STAB2: variants seen among roughly 807,000 people sequenced by gnomAD.
STAB2 encodes the protein stabilin 2.
A neutral mutation model predicts 338.1 loss-of-function variants in STAB2; 288 were observed. The observed-to-expected ratio is 0.85, with a 90% CI of 0.77 to 0.94. The LOEUF is 0.94. STAB2 is among the 40% of genes least tolerant of loss of function. STAB2 has a pLI of 0.00. For missense variants in STAB2, 3,141 were observed against 3,210.1 expected, an observed-to-expected ratio of 0.98 and a Z score of 0.52; for synonymous variants, 1,202 against 1,193.3, an observed-to-expected ratio of 1.01 and a Z score of -0.15.
At position 103,652,973 on chromosome 12, in the gene STAB2, A is replaced by T. The variant is rs551274348; in HGVS notation, c.1407+268A>T. 2.6e-5 allele frequency among the ~76,000 whole-genome samples: 4 copies of T among 152,330 alleles called. No homozygotes were observed. The South Asian group carries it at 8.3e-4, about 32-fold the overall frequency. On this transcript the variant is annotated intron_variant, in intron 12 of 68. Coordinates refer to ENST00000388887, the MANE Select transcript of STAB2 (RefSeq NM_017564.10). ...TTAGTTTTCAAGGCAACTGTCATTC[A>T]ACTGCCAGCAGGAAGGAGAAACTTT...
intron 35 of STAB2, 33 bp downstream of exon 35, chr12:103,703,309 C>A: frequency 6.2e-7 from 1 of 1,601,720 alleles, no homozygotes; most frequent in Non-Finnish European, 8.5e-7. Flanking sequence ...AGTGATGGAA[C>A]TAATGAATAT....
At position 103,643,911 on chromosome 12, in the gene STAB2, T is replaced by C. The variant is rs1200126316; in HGVS notation, c.1040+3655T>C. Among the ~76,000 whole-genome samples, 309 of 99,478 alleles carry C rather than the reference T, an allele frequency of 3.1e-3. 5 individuals are homozygous for C. The highest frequency in any genetic ancestry group is 0.012 in the African/African-American group (296 of 25,076). 65.3% of individuals were successfully genotyped at this position (99,478 alleles called of 152,430 possible). ...CTGCCCGGCCGCCCCTACTGGGAAG[T>C]GAGGAGCCCCTCTGCCCGGCCAGCC... On this transcript the variant is annotated intron_variant, in intron 9 of 68. Transcript: ENST00000388887.
Position 103,712,437 on chromosome 12 carries a change from T to C in STAB2, c.4405T>C (p.Cys1469Arg), listed in dbSNP as rs200756343. The C allele has an allele frequency of 3.8e-5, 61 of 1,613,392 alleles. No individual in the cohort carries two copies. The highest frequency in any genetic ancestry group is 3.1e-5 in the Non-Finnish European group (37 of 1,179,546). ...AGGATTCCAAGGAAACGGGACCATCTGCACAGGCAAGCGAAGGAAGGAATT... is the reference window on the plus strand; with the variant it reads ...AGGATTCCAAGGAAACGGGACCATCCGCACAGGCAAGCGAAGGAAGGAATT... ...AAGFQGNGTI[C>R]TAINACEISN... Residue 1469 changes from cysteine to arginine, a missense_variant, in exon 41 of 69, where the codon TGC (cysteine) becomes CGC (arginine). Cys to Arg is a radical substitution (Grantham distance 180). Coordinates refer to ENST00000388887, the MANE Select transcript of STAB2 (RefSeq NM_017564.10).
intron 9 of STAB2, among the ~76,000 whole-genome samples, chr12:103,647,311 C>G (rs1277637435): frequency 6.6e-6 from 1 of 152,090 alleles, no homozygotes; most frequent in African/African-American, 2.4e-5. Context: ...TATTTAGAAA[C>G]ACACGTGGAT....
chr12:103,670,712 G>A lies in STAB2; in HGVS notation c.2276G>A (p.Gly759Asp), dbSNP rs377604298. ...TGCTCCCAGTGTGCAGATAGCCTCG[G>A]CGGCAACGGGACATGCATTTGTGAG... ...SGNGQCADSLGGNGTCICEEG... is the reference protein window; with the variant it reads ...SGNGQCADSLDGNGTCICEEG... The change falls in exon 22 of 69, where the codon GGC (glycine) becomes GAC (aspartate). Residue 759 changes from glycine to aspartate, a missense_variant. Coordinates refer to ENST00000388887, the MANE Select transcript of STAB2 (RefSeq NM_017564.10). 5.0e-6 allele frequency: 8 copies of A among 1,613,932 alleles called. No homozygotes were observed. The highest frequency in any genetic ancestry group is 6.8e-6 in the Non-Finnish European group (8 of 1,179,984).
Position 103,706,787 on chromosome 12 carries a change from T to G in STAB2, c.3997-5T>G. The stretch of plus-strand genomic sequence containing the variant: ...GCGTTGTCAAGCTTTGTCCTTCTGT[T>G]TCAGACGAGAGAATGCTGTGCCGGC... On this transcript the variant is annotated splice_polypyrimidine_tract_variant and splice_region_variant and intron_variant, in intron 37 of 68. Coordinates refer to ENST00000388887, the MANE Select transcript of STAB2 (RefSeq NM_017564.10). 1 of 1,614,204 alleles carries G rather than the reference T, an allele frequency of 6.2e-7. No individual in the cohort carries two copies. The highest frequency in any genetic ancestry group is 8.5e-7 in the Non-Finnish European group (1 of 1,180,032).
rs139513277 is a variant in STAB2 at position 103,735,132 on chromosome 12, G to A, written c.5461-359G>A. On this transcript the variant is annotated intron_variant, in intron 51 of 68. Transcript: ENST00000388887. The stretch of plus-strand genomic sequence containing the variant: ...GGACTTCAACATAACTCTTTGAGGG[G>A]CACAGTGCCACCCATAACTGCATCC... Among the ~76,000 whole-genome samples the A allele has an allele frequency of 4.6e-5, 7 of 152,206 alleles. No individual in the cohort carries two copies. The South Asian group carries it at 1.0e-3, about 23-fold the overall frequency.
chr12:103,763,716 G>C (rs1884708631), intron 68 of STAB2, 108 bp downstream of exon 68: 2 of 1,078,678 alleles, frequency 1.9e-6, no homozygotes, highest in Admixed American at 2.1e-5. Flanking sequence ...TTCATTTCTA[G>C]AATGTATGTC....
At chr12:103,759,319 G>A (rs1175426117) in intron 65 of STAB2, 46 bp downstream of exon 65, 8 of 1,603,180 alleles carry the variant, frequency 5.0e-6, no homozygotes, top group Non-Finnish European at 6.8e-6. Flanking sequence ...GATAATGCAT[G>A]CAAAGTTCCT....
rs752678936 is a variant in STAB2, at chr12:103,692,819, C to T, written c.3305C>T (p.Thr1102Ile). 8.7e-5 allele frequency: 141 copies of T among 1,613,204 alleles called. No individual in the cohort carries two copies. The highest frequency in any genetic ancestry group is 6.6e-4 in the Middle Eastern group (4 of 6,076). Residue 1102 changes from threonine (T) to isoleucine (I), a missense_variant, in exon 31 of 69, where the codon ACA (threonine) becomes ATA (isoleucine). Coordinates refer to ENST00000388887, the MANE Select transcript of STAB2 (RefSeq NM_017564.10). ...TGTGGTTTGCATTTACAGAATATCA[C>T]AATTGAAGGGGCCTCCATTGTCGAT... ...LHLAKVDGNI[T>I]IEGASIVDGD...
chr12:103,648,417 A>T (rs1429801209), intron 9 of STAB2, among the ~76,000 whole-genome samples: 1 of 152,196 alleles, frequency 6.6e-6, no homozygotes, highest in Non-Finnish European at 1.5e-5. Context: ...ACTCCAAGTG[A>T]TTCTGATGTG....
chr12:103,711,624 G>A, intron 40 of STAB2, 108 bp downstream of exon 40: 1 of 1,284,316 alleles, frequency 7.8e-7, no homozygotes, highest in Non-Finnish European at 1.1e-6. Context: ...CACCATTTCT[G>A]AGGGCTTAGG....
rs541202265 is a variant in STAB2, at chr12:103,727,349, G to A, written c.4934G>A (p.Arg1645Gln). The A allele has an allele frequency of 8.7e-6, 14 of 1,614,194 alleles. No individual in the cohort carries two copies. Among genetic ancestry groups the A allele is most frequent in the African/African-American group, 5.3e-5 (4 of 75,070 alleles). ...PLSAAFDEEA[R>Q]VKDWDKYGLM... ...TCTGCAGCCTTTGATGAGGAAGCTCGGGTGAGCATGAGACTGTGGGCAGAA... is the reference window on the plus strand; with the variant it reads ...TCTGCAGCCTTTGATGAGGAAGCTCAGGTGAGCATGAGACTGTGGGCAGAA... Residue 1645 changes from arginine to glutamine, a missense_variant and splice_region_variant, in exon 47 of 69, where the codon CGG (arginine) becomes CAG (glutamine). By Grantham distance (43) the Arg-to-Gln change is conservative. Coordinates refer to ENST00000388887, the MANE Select transcript of STAB2 (RefSeq NM_017564.10).
intron 56 of STAB2, among the ~76,000 whole-genome samples, chr12:103,743,250 G>A (rs1386102037): frequency 3.3e-5 from 5 of 151,856 alleles, no homozygotes; most frequent in African/African-American, 7.3e-5. Flanking sequence ...TCAAACTCCC[G>A]ACCTCAGGTG....
intron 5 of STAB2, among the ~76,000 whole-genome samples, chr12:103,622,417 C>T (rs1345499094): frequency 6.6e-6 from 1 of 152,198 alleles, no homozygotes; most frequent in Non-Finnish European, 1.5e-5. Flanking sequence ...TACAGCTTGG[C>T]ATTTGCCTTA....
chr12:103,722,301 C>G (rs1880831513), intron 44 of STAB2, among the ~76,000 whole-genome samples: 1 of 152,076 alleles, frequency 6.6e-6, no homozygotes, highest in Admixed American at 6.6e-5. Context: ...TCAACAGAGA[C>G]CAAGAGAAGA....
chr12:103,739,526 C>CGT (rs1364820367), intron 54 of STAB2, 58 bp downstream of exon 54: 10 of 1,028,558 alleles, frequency 9.7e-6, no homozygotes, highest in Admixed American at 5.6e-5. Context: ...CATTATCAGA[C>CGT]CTGTGTGTGT....
At chr12:103,633,233 C>T (rs1481857983) in intron 6 of STAB2, among the ~76,000 whole-genome samples, 2 of 152,146 alleles carry the variant, frequency 1.3e-5, no homozygotes, top group East Asian at 3.8e-4. Context: ...AGGGAAAACC[C>T]TAATAGATAT....
intron 22 of STAB2, 112 bp from the exon 23 acceptor site, chr12:103,673,795 C>A: frequency 8.5e-7 from 1 of 1,181,286 alleles, no homozygotes; most frequent in South Asian, 1.5e-5. Context: ...TCTGCTTTGA[C>A]AAGAGTGAGT....
Sources: allele counts gnomAD v4.1 joint callset (sites outside exome capture counted in the v4.1 genomes callset), GRCh38; gene constraint gnomAD v4.1.1; transcripts MANE v1.5; gene names NCBI Gene and HGNC (gene_info 2026-07-23, HGNC 2026-07-21).